LPP: variants seen among roughly 807,000 people sequenced by gnomAD.
LPP encodes LIM domain containing preferred translocation partner in lipoma.
Under a neutral mutation model 60.4 loss-of-function variants are expected in LPP, and 38 were observed. The observed-to-expected ratio is 0.63, with a 90% CI of 0.49 to 0.83. LPP has a LOEUF of 0.83. LPP is among the 40% of genes least tolerant of loss of function. The probability of loss-of-function intolerance (pLI) is 0.00; values close to 1 mark genes in which losing one functional copy is unlikely to be tolerated. For synonymous variants in LPP, 328 were observed against 290.8 expected (o/e 1.13, Z -1.30); for missense variants, 902 against 783.6 (o/e 1.15, Z -1.80).
At chr3:188,355,589 T>C (rs184248962) in intron 3 of LPP, among the ~76,000 whole-genome samples, 9 of 152,262 alleles carry the variant, frequency 5.9e-5, no homozygotes, top group Admixed American at 3.9e-4. Flanking sequence ...TTATAAAATG[T>C]TACAGAGCTA....
At chr3:188,450,019 G>T (rs1796222784) in intron 4 of LPP, among the ~76,000 whole-genome samples, 2 of 152,132 alleles carry the variant, frequency 1.3e-5, no homozygotes, top group South Asian at 4.2e-4. Flanking sequence ...TGGTCAGGCT[G>T]GTCTTCAGCT....
At chr3:188,569,618 A>G (rs62289659) in intron 6 of LPP, among the ~76,000 whole-genome samples, 2,311 of 152,104 alleles carry the variant, frequency 0.015, 30 homozygotes, top group South Asian at 0.049. Context: ...TAGTAATCCA[A>G]TGATGTAGCC....
intron 7 of LPP, among the ~76,000 whole-genome samples, chr3:188,680,498 A>T (rs1389255591): frequency 6.6e-6 from 1 of 152,234 alleles, no homozygotes; most frequent in Non-Finnish European, 1.5e-5. Flanking sequence ...AGCATAACTT[A>T]CTTCTCTAAC....
chr3:188,235,336 G>A (rs1721505385), intron 2 of LPP, among the ~76,000 whole-genome samples: 1 of 152,274 alleles, frequency 6.6e-6, no homozygotes, highest in Non-Finnish European at 1.5e-5. Flanking sequence ...TTAATATTAA[G>A]AGCAAACCAC....
intron 7 of LPP, among the ~76,000 whole-genome samples, chr3:188,665,457 C>CTTTT (rs371444537): frequency 2.0e-4 from 17 of 87,038 alleles, no homozygotes; most frequent in African/African-American, 5.5e-4. Flanking sequence ...TCTTCTTCTT[C>CTTTT]TTCTTTTTTT....
At chr3:188,427,860 G>A (rs1019062662) in intron 4 of LPP, among the ~76,000 whole-genome samples, 2 of 152,084 alleles carry the variant, frequency 1.3e-5, no homozygotes, top group South Asian at 4.1e-4. Context: ...TGTGGGGGTG[G>A]GGTCCACTGA....
At chr3:188,500,059 A>T (rs2149854028) in intron 5 of LPP, among the ~76,000 whole-genome samples, 1 of 152,202 alleles carries the variant, frequency 6.6e-6, no homozygotes, top group South Asian at 2.1e-4. Flanking sequence ...ACAAGAAGAG[A>T]TGATTTAATT....
At chr3:188,544,207 C>T (rs1303917495) in intron 6 of LPP, among the ~76,000 whole-genome samples, 1 of 152,168 alleles carries the variant, frequency 6.6e-6, no homozygotes, top group Non-Finnish European at 1.5e-5. Flanking sequence ...AAACTCCTGA[C>T]TTAGTACAGA....
intron 1 of LPP, among the ~76,000 whole-genome samples, chr3:188,174,645 T>C (rs1413815303): frequency 2.0e-5 from 3 of 152,154 alleles, no homozygotes; most frequent in Non-Finnish European, 4.4e-5. Context: ...TATGGTCTTA[T>C]TGAAGGGGGC....
chr3:188,171,728 A>C lies in LPP; in HGVS notation c.-190+17476A>C, dbSNP rs140674645. ...CAACAGTCCATGAGGTATATTATCA[A>C]TTGGAAAGGTGGGGTTTTTGCTTTC... On this transcript the variant is annotated intron_variant, in intron 1 of 11. Coordinates refer to ENST00000617246, the MANE Select transcript of LPP (RefSeq NM_001375462.1). 5.9e-5 allele frequency among the ~76,000 whole-genome samples: 9 copies of C among 152,306 alleles called. No individual in the cohort carries two copies. The East Asian group carries it at 1.5e-3, about 26-fold the overall frequency.
chr3:188,318,861 C>A (rs1165248802), intron 2 of LPP, among the ~76,000 whole-genome samples: 2 of 148,658 alleles, frequency 1.3e-5, no homozygotes, highest in African/African-American at 5.0e-5. Flanking sequence ...CGGGTTCACG[C>A]CATTCTCCTG....
chr3:188,338,501 C>G (rs75718862), intron 2 of LPP, among the ~76,000 whole-genome samples: 1,867 of 152,262 alleles, frequency 0.012, 38 homozygotes, highest in African/African-American at 0.043. Context: ...TATTATTGGC[C>G]TTTTCGCAGT....
At chr3:188,850,022 TA>T (rs1762361420) in intron 9 of LPP, among the ~76,000 whole-genome samples, 1 of 152,232 alleles carries the variant, frequency 6.6e-6, no homozygotes, top group South Asian at 2.1e-4. Flanking sequence ...GAGAACTTTT[TA>T]AAAGTTATGG....
At chr3:188,319,891 C>T (rs1252156709) in intron 2 of LPP, among the ~76,000 whole-genome samples, 3 of 151,350 alleles carry the variant, frequency 2.0e-5, no homozygotes, top group African/African-American at 7.4e-5. Flanking sequence ...TTTAGTCATC[C>T]TGTCTTCTTT....
chr3:188,303,788 G>A (rs1158448172), intron 2 of LPP, among the ~76,000 whole-genome samples: 1 of 152,154 alleles, frequency 6.6e-6, no homozygotes, highest in Non-Finnish European at 1.5e-5. Flanking sequence ...CCTCCCTGGA[G>A]ATTCTGATTT....
intron 8 of LPP, among the ~76,000 whole-genome samples, chr3:188,733,783 G>GTTTTT (rs1381516041): frequency 1.3e-5 from 2 of 151,980 alleles, no homozygotes; most frequent in Non-Finnish European, 2.9e-5. Flanking sequence ...TGGTTGTTTT[G>GTTTTT]TTTTGTTTTA....
chr3:188,731,305 CT>C (rs369796378), intron 8 of LPP, among the ~76,000 whole-genome samples: 11 of 150,838 alleles, frequency 7.3e-5, no homozygotes, highest in African/African-American at 2.2e-4. Context: ...TTCACTCCAC[CT>C]TTTTTTTTGG....
chr3:188,739,349 G>A (rs1021896249), intron 8 of LPP, among the ~76,000 whole-genome samples: 2 of 152,042 alleles, frequency 1.3e-5, no homozygotes, highest in African/African-American at 2.4e-5. Flanking sequence ...GGAGAAGATA[G>A]CATTTGAAAT....
intron 7 of LPP, among the ~76,000 whole-genome samples, chr3:188,640,632 G>T (rs977447149): frequency 3.3e-5 from 5 of 151,256 alleles, no homozygotes; most frequent in Non-Finnish European, 7.4e-5. Flanking sequence ...TGCAATATGG[G>T]TATCTTTTTT....
Sources: gnomAD v4.1 joint callset for allele counts (sites outside exome capture counted in the v4.1 genomes callset) on GRCh38, gnomAD v4.1.1 for gene constraint, MANE v1.5 for transcripts, NCBI Gene and HGNC (gene_info 2026-07-23, HGNC 2026-07-21) for gene names.